Variants in TSPAN14 observed in about 807,000 individuals in gnomAD.
The protein encoded by TSPAN14 is tetraspanin-14.
In TSPAN14, 16 loss-of-function variants were observed where a neutral mutation model predicts 36.6. The observed-to-expected ratio is 0.44, with a 90% CI of 0.30 to 0.66. TSPAN14 has a LOEUF of 0.66. Among genes scored for constraint, TSPAN14 ranks in the 30% least tolerant of loss-of-function variants. TSPAN14 has a pLI of 0.12. For synonymous variants in TSPAN14, 139 were observed against 143.8 expected (o/e 0.97, Z 0.24); for missense variants, 231 against 355.1 (o/e 0.65, Z 2.81).
intron 2 of TSPAN14, among the ~76,000 whole-genome samples, chr10:80,500,481 C>T (rs1317434839): frequency 6.6e-6 from 1 of 151,866 alleles, no homozygotes; most frequent in Non-Finnish European, 1.5e-5. Flanking sequence ...AGGCATGTGC[C>T]ACCACGCTCG....
At chr10:80,482,676 T>C (rs767625565) in intron 1 of TSPAN14, among the ~76,000 whole-genome samples, 1 of 151,010 alleles carries the variant, frequency 6.6e-6, no homozygotes, top group Admixed American at 6.6e-5. Context: ...TGGGTTGTGA[T>C]AAGATTTGAA....
At chr10:80,504,855 A>T in intron 3 of TSPAN14, 77 bp downstream of exon 3, 1 of 1,479,778 alleles carries the variant, frequency 6.8e-7, no homozygotes. Flanking sequence ...TCCCTCCTCC[A>T]ATCTGTTCCC....
intron 1 of TSPAN14, among the ~76,000 whole-genome samples, chr10:80,462,640 A>G (rs559689393): frequency 3.3e-5 from 5 of 152,354 alleles, no homozygotes; most frequent in Non-Finnish European, 7.3e-5. Flanking sequence ...ACATATATGT[A>G]TCTCTTTAGT....
intron 1 of TSPAN14, among the ~76,000 whole-genome samples, chr10:80,472,348 G>T (rs1270084956): frequency 1.3e-5 from 2 of 152,184 alleles, no homozygotes; most frequent in Non-Finnish European, 2.9e-5. Context: ...TGCGGAAATG[G>T]TGAGTTCTAG....
chr10:80,509,639 T>C lies in TSPAN14; in HGVS notation c.450+168T>C, dbSNP rs2132052368. 1 of 711,350 alleles carries C rather than the reference T, an allele frequency of 1.4e-6. No individual in the cohort carries two copies. The highest frequency in any genetic ancestry group is 2.0e-5 in the South Asian group (1 of 50,806). 44.1% of individuals were successfully genotyped at this position (711,350 alleles called of 1,614,324 possible). ...ACTCCACCTCTGGTCTGTTCCACTTTGCCGGCTTGTGGTTGCCTGGTGGGC... is the reference window on the plus strand; with the variant it reads ...ACTCCACCTCTGGTCTGTTCCACTTCGCCGGCTTGTGGTTGCCTGGTGGGC... On this transcript the variant is annotated intron_variant, in intron 5 of 8. Transcript: ENST00000429989. The surrounding 1 kb of genome is among the most constrained non-coding windows in gnomAD (Gnocchi z 4.7).
chr10:80,498,764 G>T (rs890249805), intron 2 of TSPAN14, among the ~76,000 whole-genome samples: 1 of 152,346 alleles, frequency 6.6e-6, no homozygotes, highest in East Asian at 1.9e-4. Context: ...AGCATGTCAC[G>T]TAGGATCTTC....
Position 80,485,721 on chromosome 10 carries a change from C to A in TSPAN14, c.-17-3496C>A, listed in dbSNP as rs114839420. On this transcript the variant is annotated intron_variant, in intron 1 of 8. Transcript: ENST00000429989. ...ATTGAGAGGTGCCTTCCCTCCCTGT[C>A]CCGAGGTTAGGTGGGTGGCAGGGGT... 1,129 of 984,344 alleles carry A rather than the reference C, an allele frequency of 1.1e-3. 13 individuals carry two copies. In the African/African-American group the frequency reaches 0.018, roughly 16 times the overall value. 61.0% of individuals were successfully genotyped at this position (984,344 alleles called of 1,614,324 possible).
In TSPAN14 at chr10:80,516,203, G is replaced by C; in HGVS notation, c.622-1G>C. 1 of 1,614,220 alleles carries C rather than the reference G, an allele frequency of 6.2e-7. No homozygotes were observed. The highest frequency in any genetic ancestry group is 8.5e-7 in the Non-Finnish European group (1 of 1,180,020). On this transcript the variant is annotated splice_acceptor_variant, in intron 7 of 8. Coordinates refer to ENST00000429989, the Ensembl canonical transcript of TSPAN14. LOFTEE classifies it high-confidence loss of function. ...CAGACCCCTGTGGTGTTTTCCTGCA[G>C]CTGAAGAGCAAGTGGGATGAGTCCA... is the stretch of plus-strand genomic sequence containing the variant.
intron 2 of TSPAN14, among the ~76,000 whole-genome samples, chr10:80,493,368 T>C (rs180913763): frequency 2.2e-4 from 34 of 152,274 alleles, no homozygotes; most frequent in African/African-American, 8.2e-4. Context: ...AAGTTAAAAA[T>C]AGAATTACCG....
chr10:80,511,301 G>A (rs1317934734), intron 5 of TSPAN14, among the ~76,000 whole-genome samples: 1 of 152,180 alleles, frequency 6.6e-6, no homozygotes, highest in African/African-American at 2.4e-5. Flanking sequence ...CACCTTCATC[G>A]GACCTCTTTT....
chr10:80,482,909 A>G (rs1378682607), intron 1 of TSPAN14, among the ~76,000 whole-genome samples: 1 of 150,300 alleles, frequency 6.7e-6, no homozygotes, highest in Non-Finnish European at 1.5e-5. Flanking sequence ...CTAATTTTGT[A>G]TTTTTAGTAG....
chr10:80,483,649 C>G (rs370857320), intron 1 of TSPAN14, among the ~76,000 whole-genome samples: 2 of 151,962 alleles, frequency 1.3e-5, no homozygotes, highest in African/African-American at 4.8e-5. Flanking sequence ...TGGCTTATGC[C>G]TATAATCCCA....
chr10:80,499,763 C>T (rs543166010), intron 2 of TSPAN14, among the ~76,000 whole-genome samples: 1 of 152,318 alleles, frequency 6.6e-6, no homozygotes, highest in African/African-American at 2.4e-5. Context: ...TTTAATGCAG[C>T]GCACAGCTCC....
At chr10:80,480,795 A>AGG (rs1847227892) in intron 1 of TSPAN14, among the ~76,000 whole-genome samples, 1 of 146,494 alleles carries the variant, frequency 6.8e-6, no homozygotes, top group African/African-American at 2.5e-5. Flanking sequence ...TGGGGGGAGG[A>AGG]GGGAGGGATA....
At chr10:80,506,387 T>G (rs1840304096) in intron 3 of TSPAN14, among the ~76,000 whole-genome samples, 2 of 152,234 alleles carry the variant, frequency 1.3e-5, no homozygotes, top group Non-Finnish European at 2.9e-5. Flanking sequence ...TCCCTGGGTC[T>G]TAGATGATAT....
At chr10:80,518,277 G>A (rs1564750347) in exon 9 of TSPAN14, 1 of 450,192 alleles carries the variant, frequency 2.2e-6, no homozygotes, top group Non-Finnish European at 4.1e-6. Context: ...CTGCCAGGAG[G>A]GCTTGACTCA....
At chr10:80,491,851 G>T (rs1341067963) in intron 2 of TSPAN14, among the ~76,000 whole-genome samples, 1 of 152,200 alleles carries the variant, frequency 6.6e-6, no homozygotes, top group Non-Finnish European at 1.5e-5. Flanking sequence ...AGAGAGCTTG[G>T]TTGGGAAATA....
At chr10:80,465,936 A>G (rs996400090) in intron 1 of TSPAN14, among the ~76,000 whole-genome samples, 4 of 152,108 alleles carry the variant, frequency 2.6e-5, no homozygotes, top group African/African-American at 9.7e-5. Flanking sequence ...TTGGGGTACA[A>G]TTTCAGCTAT....
At chr10:80,467,646 T>G (rs890965357) in intron 1 of TSPAN14, among the ~76,000 whole-genome samples, 1 of 152,202 alleles carries the variant, frequency 6.6e-6, no homozygotes, top group African/African-American at 2.4e-5. Flanking sequence ...TGTCATCAGA[T>G]GGAATTAACA....
Sources: gnomAD v4.1 joint callset for allele counts (sites outside exome capture counted in the v4.1 genomes callset) on GRCh38, gnomAD v4.1.1 for gene constraint, Gnocchi (gnomAD v3.1) non-coding constraint, MANE v1.5 for transcripts, NCBI Gene and HGNC (gene_info 2026-07-23, HGNC 2026-07-21) for gene names.